The following SNX14 variants were observed in gnomAD, a reference collection of about 807,000 sequenced individuals.
The protein encoded by SNX14 is sorting nexin-14.
SNX14 carries 93 observed loss-of-function variants against 133.8 expected under a neutral mutation model. The observed-to-expected ratio is 0.70, with a 90% confidence interval of 0.59 to 0.83. SNX14 has a LOEUF of 0.83. Ranked by LOEUF, SNX14 falls within the 40% of genes least tolerant of loss-of-function variation. The pLI is 0.00. For missense variants in SNX14, 945 were observed against 1,094.9 expected (o/e 0.86, Z 1.93); for synonymous variants, 368 against 365.6 (o/e 1.01, Z -0.07).
intron 28 of SNX14, among the ~76,000 whole-genome samples, chr6:85,506,952 G>A (rs1770919287): frequency 6.6e-6 from 1 of 152,060 alleles, no homozygotes. Flanking sequence ...CTAGTGCTAG[G>A]ACTTACACTC....
intron 21 of SNX14, among the ~76,000 whole-genome samples, chr6:85,520,926 C>T (rs1002392426): frequency 1.1e-4 from 16 of 152,260 alleles, no homozygotes; most frequent in African/African-American, 3.6e-4. Context: ...CTACTATGAA[C>T]GTTCTTAAAC....
chr6:85,540,623 A>G (rs1418029011), intron 15 of SNX14, among the ~76,000 whole-genome samples: 1 of 152,222 alleles, frequency 6.6e-6, no homozygotes, highest in Admixed American at 6.5e-5. Flanking sequence ...CAGAAAAGTT[A>G]TTACATGTAT....
In SNX14 at chr6:85,567,660, A is replaced by G. The variant is rs1027903014; in HGVS notation, c.418-83T>C. 7.0e-6 allele frequency: 6 copies of G among 860,586 alleles called. No individual in the cohort carries two copies. In the African/African-American group the frequency reaches 7.4e-5, roughly 11 times the overall value. 53.3% of individuals were successfully genotyped at this position (860,586 alleles called of 1,614,324 possible). ...ATGGTACCATTTGGGAATATGTAAC[A>G]TTACCAAGAAACAATTTTATTATCA... On this transcript the variant is annotated intron_variant, in intron 4 of 28. Coordinates refer to ENST00000314673, the MANE Select transcript of SNX14 (RefSeq NM_153816.6).
intron 21 of SNX14, among the ~76,000 whole-genome samples, chr6:85,523,262 G>A (rs900095644): frequency 8.5e-5 from 13 of 152,098 alleles, no homozygotes; most frequent in Non-Finnish European, 1.8e-4. Context: ...TTTTAGATAT[G>A]GTCAAACGTG....
chr6:85,593,699 G>A lies in SNX14; in HGVS notation c.20C>T (p.Thr7Met). Residue 7 changes from threonine (T) to methionine (M), a missense_variant, in exon 1 of 29, where the codon ACG (threonine) becomes ATG (methionine). Thr to Met is a moderately conservative substitution (Grantham distance 81). This residue lies in a region of SNX14 where 514 missense variants were observed against 538.8 expected (regional missense o/e 0.95). Coordinates refer to ENST00000314673, the MANE Select transcript of SNX14 (RefSeq NM_153816.6). ...CCGCTGCTTCAGCTTCTGCCCCATC[G>A]TCCGCACCCAGGGCACCATCTCCGT... MVPWVRTMGQKLKQRLR... is the reference protein window; with the variant it reads MVPWVRMMGQKLKQRLR... 1 of 1,613,610 alleles carries A rather than the reference G, an allele frequency of 6.2e-7. No individual in the cohort carries two copies. Among genetic ancestry groups the A allele is most frequent in the Non-Finnish European group, 8.5e-7 (1 of 1,179,924 alleles).
rs75259133 is a variant in SNX14 at position 85,511,000 on chromosome 6, T to C, written c.2653+2800A>G. On this transcript the variant is annotated intron_variant, in intron 26 of 28. Transcript: ENST00000314673. The stretch of plus-strand genomic sequence containing the variant: ...TTGGATTGGGACTGCATTGAATCTA[T>C]AGACGAAGTTCAGAAGAACGGACAT... 5.3e-3 allele frequency among the ~76,000 whole-genome samples: 805 copies of C among 152,336 alleles called. 53 individuals carry two copies. In the East Asian group the frequency reaches 0.14, roughly 26 times the overall value.
intron 14 of SNX14, among the ~76,000 whole-genome samples, chr6:85,542,861 G>C (rs1784253711): frequency 6.6e-6 from 1 of 151,874 alleles, no homozygotes; most frequent in South Asian, 2.1e-4. Flanking sequence ...TGGCCTTCTG[G>C]GTTCAAGCTA....
chr6:85,523,869 C>T (rs531031227), intron 21 of SNX14, among the ~76,000 whole-genome samples: 4 of 152,204 alleles, frequency 2.6e-5, no homozygotes, highest in South Asian at 2.1e-4. Flanking sequence ...CAGAATTACA[C>T]GTTGGTTCTG....
chr6:85,557,139 T>C (rs1311094445), intron 7 of SNX14, among the ~76,000 whole-genome samples: 1 of 152,204 alleles, frequency 6.6e-6, no homozygotes, highest in Non-Finnish European at 1.5e-5. Context: ...CCTCTTCTGG[T>C]CATATGGTCA....
chr6:85,549,961 C>T (rs1787155584), intron 7 of SNX14, 82 bp from the exon 8 acceptor site: 19 of 1,274,506 alleles, frequency 1.5e-5, no homozygotes, highest in Non-Finnish European at 1.6e-5. Context: ...AATAGAAGAG[C>T]ATGGGCTGGG....
intron 7 of SNX14, among the ~76,000 whole-genome samples, chr6:85,556,197 C>T (rs1235742073): frequency 6.6e-6 from 1 of 152,068 alleles, no homozygotes; most frequent in Non-Finnish European, 1.5e-5. Flanking sequence ...ATAAAATCTA[C>T]TGATTTAAAG....
intron 18 of SNX14, among the ~76,000 whole-genome samples, chr6:85,532,851 C>G (rs1388009217): frequency 6.6e-6 from 1 of 152,128 alleles, no homozygotes; most frequent in Non-Finnish European, 1.5e-5. Flanking sequence ...TATGTCAAAA[C>G]ATGAAGAAGC....
At chr6:85,511,702 T>C (rs758451003) in intron 26 of SNX14, among the ~76,000 whole-genome samples, 2 of 152,238 alleles carry the variant, frequency 1.3e-5, no homozygotes, top group Admixed American at 6.5e-5. Context: ...ACTACCTTAA[T>C]TGACTTTTGA....
chr6:85,563,504 G>A (rs192201610), intron 6 of SNX14, among the ~76,000 whole-genome samples: 1 of 152,214 alleles, frequency 6.6e-6, no homozygotes. Flanking sequence ...CAATTCTCCT[G>A]CCTTGGCCTC....
chr6:85,520,800 T>C (rs140835001), intron 21 of SNX14, among the ~76,000 whole-genome samples: 1 of 152,380 alleles, frequency 6.6e-6, no homozygotes, highest in African/African-American at 2.4e-5. Flanking sequence ...ATCCACATTG[T>C]TGCTAGTAGC....
At chr6:85,535,150 C>T (rs776663954) in intron 17 of SNX14, among the ~76,000 whole-genome samples, 5 of 150,964 alleles carry the variant, frequency 3.3e-5, no homozygotes, top group African/African-American at 7.3e-5. Context: ...CAAGTAGCTA[C>T]GACTACAGTT....
intron 4 of SNX14, among the ~76,000 whole-genome samples, chr6:85,568,809 G>C (rs1794716042): frequency 6.6e-6 from 1 of 151,958 alleles, no homozygotes; most frequent in Non-Finnish European, 1.5e-5. Context: ...ATATGTGTTG[G>C]GAAATGAAAA....
chr6:85,542,096 A>C (rs1783942680), intron 14 of SNX14, 53 bp from the exon 15 acceptor site: 5 of 1,250,564 alleles, frequency 4.0e-6, no homozygotes, highest in Non-Finnish European at 5.5e-6. Flanking sequence ...ATTAACATTA[A>C]AACATGTTAC....
Position 85,514,311 on chromosome 6 carries a change from C to G in SNX14, c.2393-77G>C. 8 of 1,525,142 alleles carry G rather than the reference C, an allele frequency of 5.2e-6. No individual in the cohort carries two copies. The South Asian group carries it at 9.1e-5, about 17-fold the overall frequency. The allele number at this position is 1,525,142 out of a possible 1,614,324, so 94.5% of individuals were successfully genotyped here. ...TTGAAATTTGCCAATGTAGAAAACA[C>G]AAATGACCATGGTCAATATTTTATT... is the stretch of plus-strand genomic sequence containing the variant. On this transcript the variant is annotated intron_variant, in intron 24 of 28. Coordinates refer to ENST00000314673, the MANE Select transcript of SNX14 (RefSeq NM_153816.6).
Sources: allele counts gnomAD v4.1 joint callset (sites outside exome capture counted in the v4.1 genomes callset), GRCh38; gene constraint gnomAD v4.1.1; regional missense constraint gnomAD v4.1.1; transcripts MANE v1.5; gene names NCBI Gene and HGNC (gene_info 2026-07-23, HGNC 2026-07-21).